Variants in DNAI1 observed in about 807,000 individuals in gnomAD.
The protein encoded by DNAI1 is dynein, axonemal, intermediate polypeptide 1.
DNAI1 carries 67 observed loss-of-function variants against 92.0 expected under a neutral mutation model. The observed-to-expected ratio is 0.73, with a 90% CI of 0.60 to 0.89. The LOEUF (loss-of-function observed/expected upper bound fraction) is 0.89, where lower values mean the gene tolerates loss of function less well. DNAI1 is among the 40% of genes least tolerant of loss of function. The probability of loss-of-function intolerance (pLI) is 0.00; values close to 1 mark genes in which losing one functional copy is unlikely to be tolerated. For synonymous variants in DNAI1, 323 were observed against 319.6 expected (o/e 1.01, Z -0.11); for missense variants, 839 against 866.6 (o/e 0.97, Z 0.40).
At chr9:34,463,899 G>A (rs1321920719) in intron 1 of DNAI1, among the ~76,000 whole-genome samples, 1 of 152,110 alleles carries the variant, frequency 6.6e-6, no homozygotes, top group Non-Finnish European at 1.5e-5. Flanking sequence ...GCCTGGTGAT[G>A]GGGCCTGGTA....
chr9:34,473,425 T>C (rs1368866641), intron 1 of DNAI1, among the ~76,000 whole-genome samples: 1 of 151,916 alleles, frequency 6.6e-6, no homozygotes, highest in Admixed American at 6.6e-5. Context: ...CCCGAGTGGC[T>C]GGGATTACAG....
At chr9:34,483,825 T>C (rs932126186) in intron 2 of DNAI1, among the ~76,000 whole-genome samples, 10 of 152,254 alleles carry the variant, frequency 6.6e-5, no homozygotes, top group Admixed American at 3.3e-4. Context: ...TATATTTTTA[T>C]AGCATCATTT....
chr9:34,490,437 C>T lies in DNAI1; in HGVS notation c.570C>T (p.Asn190=), dbSNP rs1431433681. The T allele has an allele frequency of 6.2e-7, 1 of 1,614,212 alleles. No individual in the cohort carries two copies. Among genetic ancestry groups the T allele is most frequent in the South Asian group, 1.1e-5 (1 of 91,090 alleles). The change falls in exon 7 of 20, where the codon AAC becomes AAT. Residue 190 remains asparagine (N), a synonymous_variant. Coordinates refer to ENST00000242317, the MANE Select transcript of DNAI1 (RefSeq NM_012144.4). ...AGCCCAAGGAGAGAAAGCTCACTAACCAGTTCAACTTCAGTGAGAGGGCCT... is the reference window on the plus strand; with the variant it reads ...AGCCCAAGGAGAGAAAGCTCACTAATCAGTTCAACTTCAGTGAGAGGGCCT... ...PKQPKERKLT[N]QFNFSERASQ...
At position 34,485,247 on chromosome 9, in the gene DNAI1, G is replaced by T. The variant is rs375207492; in HGVS notation, c.180+7G>T. ...GCTGGAGTTGACCGATGCGGTGAGT[G>T]AGTAGCCTCTTGTTCTTGCTCCTTG... On this transcript the variant is annotated splice_region_variant and intron_variant, in intron 3 of 19. Transcript: ENST00000242317. The T allele has an allele frequency of 6.2e-7, 1 of 1,614,054 alleles. No individual in the cohort carries two copies. The highest frequency in any genetic ancestry group is 1.3e-5 in the African/African-American group (1 of 74,922).
chr9:34,475,254 A>G (rs937335101), intron 1 of DNAI1, among the ~76,000 whole-genome samples: 2 of 152,202 alleles, frequency 1.3e-5, no homozygotes, highest in African/African-American at 4.8e-5. Context: ...AGCTTAATGG[A>G]AACCTGTTAG....
intron 1 of DNAI1, among the ~76,000 whole-genome samples, chr9:34,462,427 A>C (rs2132037948): frequency 6.6e-6 from 1 of 152,276 alleles, no homozygotes; most frequent in South Asian, 2.1e-4. Context: ...CCCTTTCTGG[A>C]GGCAGGATAG....
At chr9:34,487,278 C>G (rs186215819) in intron 4 of DNAI1, among the ~76,000 whole-genome samples, 1 of 152,004 alleles carries the variant, frequency 6.6e-6, no homozygotes, top group South Asian at 2.1e-4. Context: ...CTCCGCCTCC[C>G]GGGTTCATGC....
At chr9:34,507,827 C>T (rs1160961424) in intron 13 of DNAI1, among the ~76,000 whole-genome samples, 1 of 152,236 alleles carries the variant, frequency 6.6e-6, no homozygotes, top group African/African-American at 2.4e-5. Context: ...AGCACCCCCT[C>T]TTCTCCAGAC....
At chr9:34,507,042 A>T (rs1432877845) in intron 13 of DNAI1, among the ~76,000 whole-genome samples, 168 bp downstream of exon 13, 1 of 152,240 alleles carries the variant, frequency 6.6e-6, no homozygotes. Flanking sequence ...GGTGAAAATC[A>T]GGAGGCAAGA....
At chr9:34,469,260 C>CTTTT (rs35082433) in intron 1 of DNAI1, among the ~76,000 whole-genome samples, 6 of 80,188 alleles carry the variant, frequency 7.5e-5, no homozygotes, top group African/African-American at 1.4e-4. Flanking sequence ...AATGGAATGG[C>CTTTT]TTTTTTTTTT....
At chr9:34,480,101 C>T (rs771660704) in intron 1 of DNAI1, among the ~76,000 whole-genome samples, 1 of 152,196 alleles carries the variant, frequency 6.6e-6, no homozygotes, top group Non-Finnish European at 1.5e-5. Context: ...CTGCCACCAA[C>T]GTGTGCCCTT....
At chr9:34,474,442 G>T (rs1824201196) in intron 1 of DNAI1, among the ~76,000 whole-genome samples, 1 of 150,928 alleles carries the variant, frequency 6.6e-6, no homozygotes, top group Non-Finnish European at 1.5e-5. Flanking sequence ...TCACTATGTT[G>T]CCCAGGCTGG....
At chr9:34,462,788 T>A (rs1823973424) in intron 1 of DNAI1, among the ~76,000 whole-genome samples, 1 of 152,192 alleles carries the variant, frequency 6.6e-6, no homozygotes, top group Non-Finnish European at 1.5e-5. Context: ...GAAATGGGTT[T>A]TGGAGACTAA....
intron 1 of DNAI1, among the ~76,000 whole-genome samples, chr9:34,477,968 C>T (rs990983813): frequency 2.1e-5 from 3 of 140,952 alleles, no homozygotes; most frequent in Non-Finnish European, 4.5e-5. Flanking sequence ...CTCACTGTGA[C>T]CTCTGCCTCC....
At chr9:34,511,890 C>T (rs1373540799) in intron 13 of DNAI1, among the ~76,000 whole-genome samples, 1 of 152,108 alleles carries the variant, frequency 6.6e-6, no homozygotes, top group Non-Finnish European at 1.5e-5. Flanking sequence ...ACTATTGCTC[C>T]AGGATGGTCA....
intron 1 of DNAI1, among the ~76,000 whole-genome samples, chr9:34,472,857 G>A (rs149320034): frequency 6.6e-6 from 1 of 151,486 alleles, no homozygotes; most frequent in Non-Finnish European, 1.5e-5. Context: ...AGCCGTGATT[G>A]TGTTGCTGCA....
intron 12 of DNAI1, among the ~76,000 whole-genome samples, chr9:34,506,174 A>G (rs1002142874): frequency 6.6e-6 from 1 of 152,092 alleles, no homozygotes; most frequent in Non-Finnish European, 1.5e-5. Flanking sequence ...GACTCACTGT[A>G]GACAATTCGA....
At chr9:34,492,495 T>TAG (rs1182075090) in intron 8 of DNAI1, among the ~76,000 whole-genome samples, 1,965 of 18,958 alleles carry the variant, frequency 0.1, 106 homozygotes, top group South Asian at 0.17. Context: ...GATATGAAGA[T>TAG]ATATATATAT....
intron 10 of DNAI1, among the ~76,000 whole-genome samples, chr9:34,499,169 A>G (rs1824778803): frequency 6.6e-6 from 1 of 152,238 alleles, no homozygotes; most frequent in African/African-American, 2.4e-5. Flanking sequence ...GAATTGAAGT[A>G]TTTTCAAAGA....
Sources: gnomAD v4.1 joint callset for allele counts (sites outside exome capture counted in the v4.1 genomes callset) on GRCh38, gnomAD v4.1.1 for gene constraint, MANE v1.5 for transcripts, NCBI Gene and HGNC (gene_info 2026-07-23, HGNC 2026-07-21) for gene names.